The following MTMR12 variants were observed in gnomAD, a reference collection of about 807,000 sequenced individuals.
MTMR12 encodes the protein myotubularin related protein 12, also known as myotubularin-related protein 12.
MTMR12 carries 33 observed loss-of-function variants against 96.7 expected under a neutral mutation model. The observed-to-expected ratio is 0.34, with a 90% confidence interval of 0.26 to 0.46. The LOEUF is 0.46. Ranked by LOEUF, MTMR12 falls within the 20% of genes least tolerant of loss-of-function variation. The pLI is 1.00. For missense variants in MTMR12, 721 were observed against 896.1 expected, an observed-to-expected ratio of 0.80 and a Z score of 2.49; for synonymous variants, 298 against 327.2, an observed-to-expected ratio of 0.91 and a Z score of 0.96.
In MTMR12 at chr5:32,228,558, T is replaced by TATATATATATCATATATATGTG. The variant is rs1747835702; in HGVS notation, c.*1219_*1220insCACATATATATGATATATATAT. 2 of 116,460 alleles carry TATATATATATCATATATATGTG rather than the reference T, an allele frequency of 1.7e-5. No homozygotes were observed. The highest frequency in any genetic ancestry group is 6.9e-5 in the African/African-American group (2 of 28,916). The allele number at this position is 116,460 out of a possible 1,614,324, so 7.2% of individuals were successfully genotyped here. A position where few individuals can be genotyped will look rare whatever the true frequency, so the allele number is the denominator to read the frequency against. ...TGATATATATATCATATATATGTGA[T>TATATATATATCATATATATGTG]ATATATATATCATATATATATCATA... On this transcript the variant is annotated 3_prime_UTR_variant, in exon 16 of 16. Coordinates refer to ENST00000382142, the MANE Select transcript of MTMR12 (RefSeq NM_001040446.3).
chr5:32,278,384 T>C (rs1291084117), intron 1 of MTMR12, among the ~76,000 whole-genome samples: 1 of 152,162 alleles, frequency 6.6e-6, no homozygotes, highest in African/African-American at 2.4e-5. Flanking sequence ...AAATCAGATT[T>C]TTTTTTTTCT....
intron 3 of MTMR12, 100 bp downstream of exon 3, chr5:32,273,880 G>T: frequency 6.6e-7 from 1 of 1,510,096 alleles, no homozygotes. Flanking sequence ...GTGTTTATGT[G>T]TGTTAGGGGG....
rs1229405018 is a variant in MTMR12 at position 32,239,007 on chromosome 5, T to C, written c.1338A>G (p.Lys446=). ...DRCNHLRQND[K]EEVPVFLLFL... Reference sequence around the variant, plus strand: ...CTGCAGTGAGGGAACTCACCTCCTCTTTGTCGTTCTGGCGGAGATGGTTGC... The same window carrying C: ...CTGCAGTGAGGGAACTCACCTCCTCCTTGTCGTTCTGGCGGAGATGGTTGC... The change falls in exon 13 of 16, where the codon AAA becomes AAG. Residue 446 remains lysine, a synonymous_variant. Transcript: ENST00000382142. 2 of 1,592,152 alleles carry C rather than the reference T, an allele frequency of 1.3e-6. No homozygotes were observed. The highest frequency in any genetic ancestry group is 3.4e-5 in the Admixed American group (2 of 58,142).
At chr5:32,299,874 T>C (rs989883797) in intron 1 of MTMR12, among the ~76,000 whole-genome samples, 1 of 152,182 alleles carries the variant, frequency 6.6e-6, no homozygotes, top group Non-Finnish European at 1.5e-5. Flanking sequence ...CCCTCTTGCC[T>C]GCTTGCTACA....
At chr5:32,232,820 G>A (rs1289787659) in intron 15 of MTMR12, 3 of 370,142 alleles carry the variant, frequency 8.1e-6, no homozygotes, top group African/African-American at 2.2e-5. Flanking sequence ...TCTGCTGGCC[G>A]TGGCTCACCC....
intron 3 of MTMR12, 40 bp from the exon 4 acceptor site, chr5:32,271,945 T>A: frequency 8.2e-7 from 1 of 1,225,366 alleles, no homozygotes; most frequent in Non-Finnish European, 1.2e-6. Flanking sequence ...CTCCTCTGCA[T>A]ACTGTTAGAC....
chr5:32,229,611 A>C lies in MTMR12; in HGVS notation c.*167T>G, dbSNP rs1156373092. On this transcript the variant is annotated 3_prime_UTR_variant, in exon 16 of 16. Transcript: ENST00000382142. ...CGGTTTTAATTGCATAGTCTTTTAG[A>C]ATCATGAAAAATAATGAGAGCCACC... 5 of 531,332 alleles carry C rather than the reference A, an allele frequency of 9.4e-6. No homozygotes were observed. The highest frequency in any genetic ancestry group is 1.5e-5 in the Non-Finnish European group (5 of 324,498). 32.9% of individuals were successfully genotyped at this position (531,332 alleles called of 1,614,324 possible).
intron 1 of MTMR12, among the ~76,000 whole-genome samples, chr5:32,293,759 T>C (rs1326229656): frequency 6.6e-6 from 1 of 152,146 alleles, no homozygotes; most frequent in Non-Finnish European, 1.5e-5. Flanking sequence ...CAAGTGGTAC[T>C]TCACTCCAGA....
intron 1 of MTMR12, among the ~76,000 whole-genome samples, chr5:32,284,152 A>AT (rs35649909): frequency 5.5e-4 from 80 of 145,418 alleles, no homozygotes; most frequent in Middle Eastern, 3.6e-3. Context: ...ACAAAAAAAA[A>AT]TTTTTTTTTT....
At chr5:32,279,982 G>C (rs1414835218) in intron 1 of MTMR12, among the ~76,000 whole-genome samples, 1 of 152,162 alleles carries the variant, frequency 6.6e-6, no homozygotes, top group Non-Finnish European at 1.5e-5. Context: ...CTAGGGGCTG[G>C]GGACATACAG....
chr5:32,274,499 A>C (rs1436972515), intron 2 of MTMR12, among the ~76,000 whole-genome samples: 1 of 152,212 alleles, frequency 6.6e-6, no homozygotes, highest in African/African-American at 2.4e-5. Flanking sequence ...ACCCTAAGTG[A>C]ACACAGATGG....
In MTMR12 at chr5:32,233,672, G is replaced by A; in HGVS notation, c.1674+101C>T. The A allele has an allele frequency of 1.3e-6, 2 of 1,505,602 alleles. No homozygotes were observed. The highest frequency in any genetic ancestry group is 1.2e-5 in the South Asian group (1 of 82,606). 93.3% of individuals were successfully genotyped at this position (1,505,602 alleles called of 1,614,324 possible). On this transcript the variant is annotated intron_variant, in intron 15 of 15. Coordinates refer to ENST00000382142, the MANE Select transcript of MTMR12 (RefSeq NM_001040446.3). This position sits in a 1 kb window ranked among gnomAD's most constrained non-coding sequence, Gnocchi z 5.0. Reference sequence around the variant, plus strand: ...GTCTCAACTCTGCAGACTGCTTCGAGGGGTAGAAAATGCTGGCAGACAGAA... The same window carrying A: ...GTCTCAACTCTGCAGACTGCTTCGAAGGGTAGAAAATGCTGGCAGACAGAA...
rs564698321 is a variant in MTMR12 at position 32,299,366 on chromosome 5, T to A, written c.81+13392A>T. ...AGCCATGCTCTTAACTACCACATTA[T>A]ACTGAAAGTAAAGATTGTTGTGCTG... On this transcript the variant is annotated intron_variant, in intron 1 of 15. Transcript: ENST00000382142. Among the ~76,000 whole-genome samples, 207 of 152,270 alleles carry A rather than the reference T, an allele frequency of 1.4e-3. 2 individuals are homozygous for A. Among genetic ancestry groups the A allele is most frequent in the African/African-American group, 4.6e-3 (192 of 41,550 alleles).
intron 12 of MTMR12, 109 bp from the exon 13 acceptor site, chr5:32,239,282 G>T (rs1748365767): frequency 8.8e-7 from 1 of 1,133,168 alleles, no homozygotes; most frequent in Non-Finnish European, 1.2e-6. Flanking sequence ...CAACACCAAG[G>T]TCTACTATTA....
chr5:32,231,560 ACT>A (rs992364470), intron 15 of MTMR12, among the ~76,000 whole-genome samples: 12 of 152,200 alleles, frequency 7.9e-5, no homozygotes, highest in African/African-American at 2.9e-4. Context: ...TCACTCTAAA[ACT>A]CTCTAACATA....
Position 32,281,263 on chromosome 5 carries a change from A to C in MTMR12, c.82-4521T>G, listed in dbSNP as rs1196929338. ...ACTCTATCATTAAAAAAAAAAAAAA[A>C]ACAAAAAAAACTGTTACATGAGACT... is the stretch of plus-strand genomic sequence containing the variant. On this transcript the variant is annotated intron_variant, in intron 1 of 15. Transcript: ENST00000382142. Among the ~76,000 whole-genome samples the C allele has an allele frequency of 8.0e-5, 12 of 150,232 alleles. 1 individual carries two copies. The highest frequency in any genetic ancestry group is 5.3e-4 in the Admixed American group (8 of 15,024).
chr5:32,291,171 G>C (rs1750725311), intron 1 of MTMR12, among the ~76,000 whole-genome samples: 1 of 152,162 alleles, frequency 6.6e-6, no homozygotes, highest in South Asian at 2.1e-4. Flanking sequence ...TCAGATGACA[G>C]GAAGAGAAAA....
intron 11 of MTMR12, among the ~76,000 whole-genome samples, 172 bp downstream of exon 11, chr5:32,243,349 C>A (rs1232796378): frequency 6.6e-6 from 1 of 152,120 alleles, no homozygotes; most frequent in African/African-American, 2.4e-5. Flanking sequence ...TTCATAAATT[C>A]CTATCAAATG....
At chr5:32,255,926 T>C in intron 7 of MTMR12, 158 bp from the exon 8 acceptor site, 3 of 593,984 alleles carry the variant, frequency 5.1e-6, no homozygotes, top group Non-Finnish European at 8.8e-6. Flanking sequence ...CTGCTTTCGG[T>C]GTGGCGTGAA....
Sources: gnomAD v4.1 joint callset for allele counts (sites outside exome capture counted in the v4.1 genomes callset) on GRCh38, gnomAD v4.1.1 for gene constraint, Gnocchi (gnomAD v3.1) non-coding constraint, MANE v1.5 for transcripts, NCBI Gene and HGNC (gene_info 2026-07-23, HGNC 2026-07-21) for gene names.